Variants in PLA2G4A observed in about 807,000 individuals in gnomAD.
PLA2G4A encodes the protein phospholipase A2 group IVA, also known as cytosolic phospholipase A2.
In PLA2G4A, 40 loss-of-function variants were observed where a neutral mutation model predicts 81.9. That is an observed-to-expected ratio of 0.49 (90% confidence interval 0.38 to 0.64). PLA2G4A has a LOEUF of 0.64. Ranked by LOEUF, PLA2G4A falls within the 30% of genes least tolerant of loss-of-function variation. The probability of loss-of-function intolerance (pLI) is 0.00; values close to 1 mark genes in which losing one functional copy is unlikely to be tolerated. For missense variants in PLA2G4A, 715 were observed against 905.1 expected (o/e 0.79, Z 2.69); for synonymous variants, 302 against 296.9 (o/e 1.02, Z -0.18).
intron 6 of PLA2G4A, among the ~76,000 whole-genome samples, 199 bp downstream of exon 6, chr1:186,907,201 A>G (rs1385569091): frequency 1.3e-5 from 2 of 152,112 alleles, no homozygotes; most frequent in African/African-American, 4.8e-5. Context: ...TTATTCTTAT[A>G]TTTTAATATG....
intron 15 of PLA2G4A, among the ~76,000 whole-genome samples, chr1:186,972,350 C>T (rs1657384924): frequency 6.6e-6 from 1 of 152,032 alleles, no homozygotes; most frequent in African/African-American, 2.4e-5. Flanking sequence ...TAGAGCTCAT[C>T]CAAAGACAAT....
At chr1:186,863,135 A>G (rs1652877319) in intron 2 of PLA2G4A, among the ~76,000 whole-genome samples, 3 of 152,152 alleles carry the variant, frequency 2.0e-5, no homozygotes, top group Non-Finnish European at 4.4e-5. Context: ...AGGGTCTGCT[A>G]TATTGCCTAG....
chr1:186,977,368 T>G (rs1657570833), intron 15 of PLA2G4A, among the ~76,000 whole-genome samples: 1 of 152,226 alleles, frequency 6.6e-6, no homozygotes, highest in African/African-American at 2.4e-5. Context: ...TTCAAATGCC[T>G]GCTGTGGAGC....
At chr1:186,907,688 A>C (rs1236624984) in intron 6 of PLA2G4A, among the ~76,000 whole-genome samples, 1 of 152,222 alleles carries the variant, frequency 6.6e-6, no homozygotes, top group African/African-American at 2.4e-5. Context: ...AAATGCCACG[A>C]AAACAAATTG....
intron 2 of PLA2G4A, among the ~76,000 whole-genome samples, chr1:186,865,475 C>T (rs566032084): frequency 2.0e-5 from 3 of 152,094 alleles, no homozygotes; most frequent in African/African-American, 4.8e-5. Flanking sequence ...CCAAAAAAAC[C>T]TCAGGATTTA....
intron 3 of PLA2G4A, among the ~76,000 whole-genome samples, chr1:186,882,543 C>A (rs570730832): frequency 3.3e-5 from 5 of 150,884 alleles, no homozygotes; most frequent in African/African-American, 1.2e-4. Flanking sequence ...GCCTCTTTGC[C>A]GTAGAGTGAT....
intron 14 of PLA2G4A, among the ~76,000 whole-genome samples, chr1:186,960,513 G>A (rs983244879): frequency 2.0e-5 from 3 of 152,146 alleles, no homozygotes; most frequent in African/African-American, 7.2e-5. Context: ...AATACTCTAT[G>A]ACATTTAATA....
At chr1:186,869,652 C>A (rs1262747717) in intron 2 of PLA2G4A, among the ~76,000 whole-genome samples, 2 of 152,142 alleles carry the variant, frequency 1.3e-5, no homozygotes, top group South Asian at 2.1e-4. Flanking sequence ...ACTTTTCAAC[C>A]AGTTAAGCAA....
intron 12 of PLA2G4A, among the ~76,000 whole-genome samples, chr1:186,947,967 A>T (rs1173570999): frequency 6.6e-6 from 1 of 152,172 alleles, no homozygotes. Context: ...ATCCCAGGCA[A>T]TGTCAGTTGA....
intron 1 of PLA2G4A, among the ~76,000 whole-genome samples, chr1:186,839,736 A>C (rs1651910014): frequency 6.6e-6 from 1 of 152,054 alleles, no homozygotes; most frequent in Non-Finnish European, 1.5e-5. Flanking sequence ...GTGCTAGCAA[A>C]AGTAGGTAGT....
chr1:186,921,760 C>G (rs2891259), intron 7 of PLA2G4A, among the ~76,000 whole-genome samples: 85,719 of 151,822 alleles, frequency 0.56, 25,822 homozygotes, highest in African/African-American at 0.78. Context: ...GACTTTTGGT[C>G]CCGACTTCCC....
chr1:186,980,097 G>A (rs983945444), intron 17 of PLA2G4A, among the ~76,000 whole-genome samples: 1 of 151,896 alleles, frequency 6.6e-6, no homozygotes, highest in African/African-American at 2.4e-5. Context: ...ACAGGCGCCT[G>A]CCACCACGCC....
chr1:186,975,889 A>G lies in PLA2G4A; in HGVS notation c.1765-1704A>G, dbSNP rs1452428296. ...CAACCCAGGCCCACAATCGTGCAGC[A>G]CCTTCCTGCCTTTATCATACTTTTC... On this transcript the variant is annotated intron_variant, in intron 15 of 17. Transcript: ENST00000367466. Among the ~76,000 whole-genome samples, 3 of 152,158 alleles carry G rather than the reference A, an allele frequency of 2.0e-5. No homozygotes were observed. The East Asian group carries it at 5.8e-4, about 29-fold the overall frequency.
intron 2 of PLA2G4A, among the ~76,000 whole-genome samples, chr1:186,867,979 T>A (rs995957526): frequency 6.6e-6 from 1 of 152,114 alleles, no homozygotes; most frequent in Non-Finnish European, 1.5e-5. Context: ...CTTGTTTAGC[T>A]TGTTGATATA....
chr1:186,928,489 C>A (rs1655629242), intron 7 of PLA2G4A, among the ~76,000 whole-genome samples: 1 of 152,186 alleles, frequency 6.6e-6, no homozygotes, highest in Non-Finnish European at 1.5e-5. Flanking sequence ...TTCCCTTGGG[C>A]TTCATCTGCA....
intron 17 of PLA2G4A, among the ~76,000 whole-genome samples, chr1:186,984,157 G>A (rs922379125): frequency 6.6e-6 from 1 of 151,910 alleles, no homozygotes; most frequent in East Asian, 1.9e-4. Flanking sequence ...AAATTTCATT[G>A]ACTTACTGTG....
intron 1 of PLA2G4A, among the ~76,000 whole-genome samples, chr1:186,850,949 A>C (rs1045531622): frequency 6.6e-6 from 1 of 152,090 alleles, no homozygotes; most frequent in Non-Finnish European, 1.5e-5. Context: ...TACATCTTTC[A>C]AGTAAATATA....
At chr1:186,882,741 A>G (rs981663014) in intron 3 of PLA2G4A, among the ~76,000 whole-genome samples, 2 of 152,106 alleles carry the variant, frequency 1.3e-5, no homozygotes, top group African/African-American at 4.8e-5. Context: ...AGAATAAGCA[A>G]CTAAGAGATT....
intron 2 of PLA2G4A, among the ~76,000 whole-genome samples, chr1:186,861,941 T>C (rs10737270): frequency 0.84 from 126,894 of 150,360 alleles, 53,721 homozygotes; most frequent in African/African-American, 0.9. Context: ...TATCATTTTA[T>C]TTAGTGTATA....
Sources: allele counts gnomAD v4.1 joint callset (sites outside exome capture counted in the v4.1 genomes callset), GRCh38; gene constraint gnomAD v4.1.1; transcripts MANE v1.5; gene names NCBI Gene and HGNC (gene_info 2026-07-23, HGNC 2026-07-21).